DNM2: variants seen among roughly 807,000 people sequenced by gnomAD.
DNM2 encodes the protein dynamin 2.
Under a neutral mutation model 99.0 loss-of-function variants are expected in DNM2, and 15 were observed. The observed-to-expected ratio is 0.15, with a 90% CI of 0.10 to 0.23. DNM2 has a LOEUF of 0.23. Ranked by LOEUF, DNM2 falls within the 10% of genes least tolerant of loss-of-function variation. The probability of loss-of-function intolerance (pLI) is 1.00; values close to 1 mark genes in which losing one functional copy is unlikely to be tolerated. For synonymous variants in DNM2, 525 were observed against 481.2 expected (o/e 1.09, Z -1.19); for missense variants, 742 against 1,189.4 (o/e 0.62, Z 5.53).
At chr19:10,759,595 A>G (rs1355289257) in intron 1 of DNM2, 143 bp from the exon 2 acceptor site, 1 of 941,330 alleles carries the variant, frequency 1.1e-6, no homozygotes, top group African/African-American at 1.6e-5. Flanking sequence ...AGACCAGAGC[A>G]TTCCCCAGGG....
chr19:10,808,665 C>G (rs1430391553), intron 14 of DNM2, 85 bp downstream of exon 14: 4 of 1,475,104 alleles, frequency 2.7e-6, no homozygotes, highest in African/African-American at 1.4e-5. Flanking sequence ...TCCCTGTTCC[C>G]CATCCCCTCC....
chr19:10,778,289 T>C (rs1599534982), intron 5 of DNM2, among the ~76,000 whole-genome samples: 2 of 151,944 alleles, frequency 1.3e-5, no homozygotes, highest in South Asian at 2.1e-4. Flanking sequence ...CGCCTCGGCC[T>C]CCCAAAGTGC....
At chr19:10,741,752 C>G (rs1314454017) in intron 1 of DNM2, among the ~76,000 whole-genome samples, 1 of 151,684 alleles carries the variant, frequency 6.6e-6, no homozygotes, top group East Asian at 2.0e-4. Flanking sequence ...GGGGTTTCAC[C>G]GTGTTAGCCA....
chr19:10,823,040 G>C (rs1312014554), intron 16 of DNM2, among the ~76,000 whole-genome samples: 1 of 151,732 alleles, frequency 6.6e-6, no homozygotes, highest in Admixed American at 6.6e-5. Flanking sequence ...GGGAGGCGGA[G>C]CTTGCAGTGA....
rs57290103 is a variant in DNM2 at position 10,760,827 on chromosome 19, A to AT, written c.235+1033dup. On this transcript the variant is annotated intron_variant, in intron 2 of 20. Coordinates refer to ENST00000389253, the MANE Select transcript of DNM2 (RefSeq NM_001005361.3). ...GTGCACACACCACCACACCCAGCTG[A>AT]TTTTTTTTTTTTTTTTTGGTAGAGA... Among the ~76,000 whole-genome samples the AT allele has an allele frequency of 2.7e-3, 110 of 41,272 alleles. 19 individuals are homozygous for AT. The highest frequency in any genetic ancestry group is 4.2e-3 in the African/African-American group (45 of 10,644). 27.1% of individuals were successfully genotyped at this position (41,272 alleles called of 152,430 possible). A position where few individuals can be genotyped will look rare whatever the true frequency, so the allele number is the denominator to read the frequency against.
rs763762422 is a variant in DNM2, at chr19:10,823,792, G to A, written c.1786G>A (p.Val596Ile). ...FAIFNTEQRNVYKDLRQIELA... is the reference protein window; with the variant it reads ...FAIFNTEQRNIYKDLRQIELA... ...TCCTTCCCCACCCCCCCGCAGAAACGTCTACAAGGACCTGCGGCAGATCGA... is the reference window on the plus strand; with the variant it reads ...TCCTTCCCCACCCCCCCGCAGAAACATCTACAAGGACCTGCGGCAGATCGA... The change falls in exon 17 of 21, where the codon GTC becomes ATC. Residue 596 changes from valine to isoleucine, a missense_variant. This residue lies in a region of DNM2 where 240 missense variants were observed against 431.3 expected (regional missense o/e 0.56). Coordinates refer to ENST00000389253, the MANE Select transcript of DNM2 (RefSeq NM_001005361.3). 8.7e-6 allele frequency: 14 copies of A among 1,613,354 alleles called. No homozygotes were observed. Among genetic ancestry groups the A allele is most frequent in the South Asian group, 3.3e-5 (3 of 91,066 alleles).
At chr19:10,736,027 T>A (rs1023942211) in intron 1 of DNM2, among the ~76,000 whole-genome samples, 1 of 152,042 alleles carries the variant, frequency 6.6e-6, no homozygotes, top group African/African-American at 2.4e-5. Context: ...CCTAACACTT[T>A]GGAGGCAGGT....
At chr19:10,806,007 G>A in intron 13 of DNM2, 40 bp downstream of exon 13, 1 of 1,613,694 alleles carries the variant, frequency 6.2e-7, no homozygotes, top group Non-Finnish European at 8.5e-7. Context: ...TACCCTGGGG[G>A]CGGGAGGACG....
At chr19:10,810,203 G>A (rs980548645) in intron 14 of DNM2, 9 of 153,460 alleles carry the variant, frequency 5.9e-5, no homozygotes, top group South Asian at 2.0e-4. Flanking sequence ...CACCCATACC[G>A]CCCCATGTGC....
At chr19:10,721,331 A>G (rs1176820336) in intron 1 of DNM2, among the ~76,000 whole-genome samples, 2 of 152,104 alleles carry the variant, frequency 1.3e-5, no homozygotes, top group East Asian at 3.9e-4. Flanking sequence ...TAATTTTTGT[A>G]TTTTTAGCAG....
In DNM2 at chr19:10,777,174, G is replaced by T. The variant is rs2071182880; in HGVS notation, c.646G>T (p.Ala216Ser). ...KLDLMDEGTD[A>S]RDVLENKLLP... is the part of the protein sequence containing the mutation. ...TGACCTGATGGACGAGGGCACCGAC[G>T]CCAGGGACGTCTTGGAGAACAAGTT... The change falls in exon 5 of 21, where the codon GCC becomes TCC. Residue 216 changes from alanine (A) to serine (S), a missense_variant. Transcript: ENST00000389253. 6 of 1,614,170 alleles carry T rather than the reference G, an allele frequency of 3.7e-6. No homozygotes were observed. The highest frequency in any genetic ancestry group is 4.2e-6 in the Non-Finnish European group (5 of 1,180,032).
At chr19:10,752,771 A>G (rs1383219761) in intron 1 of DNM2, among the ~76,000 whole-genome samples, 1 of 152,178 alleles carries the variant, frequency 6.6e-6, no homozygotes, top group Non-Finnish European at 1.5e-5. Flanking sequence ...AAATGGGTTA[A>G]TAGGCAGGTG....
intron 18 of DNM2, among the ~76,000 whole-genome samples, chr19:10,828,804 C>T (rs1027849878): frequency 7.0e-6 from 1 of 143,794 alleles, no homozygotes; most frequent in African/African-American, 2.6e-5. Context: ...ACGTGCCTGT[C>T]GTCCTAGCTA....
In DNM2 at chr19:10,826,240, C is replaced by T. The variant is rs911054840; in HGVS notation, c.2058+1019C>T. ...ATCAGAATAACTGCAGGAGGGAGAACGGCCATCTTCCCCATTTCACAGACA... is the reference window on the plus strand; with the variant it reads ...ATCAGAATAACTGCAGGAGGGAGAATGGCCATCTTCCCCATTTCACAGACA... On this transcript the variant is annotated intron_variant, in intron 18 of 20. Transcript: ENST00000389253. Among the ~76,000 whole-genome samples, 11 of 152,134 alleles carry T rather than the reference C, an allele frequency of 7.2e-5. No homozygotes were observed. The South Asian group carries it at 1.0e-3, about 14-fold the overall frequency.
rs2146210270 is a variant in DNM2, at chr19:10,830,275, G to A, written c.2440G>A (p.Gly814Arg). 6.2e-7 allele frequency: 1 copy of A among 1,613,900 alleles called. No homozygotes were observed. The highest frequency in any genetic ancestry group is 1.1e-5 in the South Asian group (1 of 91,080). Residue 814 changes from glycine to arginine, a missense_variant, in exon 20 of 21, where the codon GGA becomes AGA. Around this residue, in one of 7 missense-constraint regions of DNM2, gnomAD observed 187 missense variants for 218.8 expected, o/e 0.85. Transcript: ENST00000389253. The surrounding 1 kb of genome is among the most constrained non-coding windows in gnomAD (Gnocchi z 4.8). ...FSAPPIPSRP[G>R]PQSVFANSDL... ...GGCGCCCCCAATCCCATCCCGGCCT[G>A]GACCCCAGAGCGTGTTTGCCAACAG... is the stretch of plus-strand genomic sequence containing the variant.
intron 16 of DNM2, among the ~76,000 whole-genome samples, chr19:10,821,842 C>G (rs1190006912): frequency 6.6e-6 from 1 of 152,032 alleles, no homozygotes; most frequent in Admixed American, 6.6e-5. Flanking sequence ...AAAACCCCGA[C>G]TTCTACTTCT....
chr19:10,727,784 C>A (rs1351609287), intron 1 of DNM2, among the ~76,000 whole-genome samples: 2 of 152,074 alleles, frequency 1.3e-5, no homozygotes, highest in Non-Finnish European at 2.9e-5. Context: ...CCACATCTGC[C>A]AAACTTCTGC....
rs1599643385 is a variant in DNM2, at chr19:10,830,971, T to G, written c.2544-7T>G. On this transcript the variant is annotated splice_polypyrimidine_tract_variant and splice_region_variant and intron_variant, in intron 20 of 20. Coordinates refer to ENST00000389253, the MANE Select transcript of DNM2 (RefSeq NM_001005361.3). This position sits in a 1 kb window ranked among gnomAD's most constrained non-coding sequence, Gnocchi z 4.8. The stretch of plus-strand genomic sequence containing the variant: ...CCCCTCCCCACCTGTCTTTATTCTC[T>G]TTGCAGCAGAAGACCCCCTGCTGCG... 4 of 1,611,048 alleles carry G rather than the reference T, an allele frequency of 2.5e-6. No individual in the cohort carries two copies. The highest frequency in any genetic ancestry group is 1.3e-5 in the African/African-American group (1 of 74,910).
chr19:10,759,488 C>CG (rs999929469), intron 1 of DNM2: 17 of 571,024 alleles, frequency 3.0e-5, no homozygotes, highest in African/African-American at 2.8e-4. Flanking sequence ...CCTGGGAGTA[C>CG]GGGGGGTGGG....
Sources: allele counts gnomAD v4.1 joint callset (sites outside exome capture counted in the v4.1 genomes callset), GRCh38; gene constraint gnomAD v4.1.1; regional missense constraint gnomAD v4.1.1; non-coding constraint Gnocchi (gnomAD v3.1); transcripts MANE v1.5; gene names NCBI Gene and HGNC (gene_info 2026-07-23, HGNC 2026-07-21).